Variants in CPNE5 observed in about 807,000 individuals in gnomAD.
CPNE5 encodes copine-5.
CPNE5 carries 42 observed loss-of-function variants against 81.1 expected under a neutral mutation model. The ratio of observed to expected loss-of-function variants is 0.52; its 90% CI spans 0.40 to 0.67. The LOEUF is 0.67. CPNE5 is among the 30% of genes least tolerant of loss of function. CPNE5 has a pLI of 0.00. For missense variants in CPNE5, 612 were observed against 815.5 expected, an observed-to-expected ratio of 0.75 and a Z score of 3.04; for synonymous variants, 313 against 321.5, an observed-to-expected ratio of 0.97 and a Z score of 0.28.
chr6:36,756,412 G>T, intron 12 of CPNE5, 114 bp from the exon 13 acceptor site: 1 of 826,890 alleles, frequency 1.2e-6, no homozygotes, highest in Non-Finnish European at 2.0e-6. Flanking sequence ...TAGAGTGTGG[G>T]GTGTGAAGAC....
intron 3 of CPNE5, among the ~76,000 whole-genome samples, chr6:36,806,986 T>A (rs1056941802): frequency 6.6e-6 from 1 of 152,234 alleles, no homozygotes. Flanking sequence ...GAGTGAGGAC[T>A]GGGGGATGGA....
At chr6:36,783,867 T>G (rs1049910270) in intron 8 of CPNE5, among the ~76,000 whole-genome samples, 1 of 152,188 alleles carries the variant, frequency 6.6e-6, no homozygotes, top group African/African-American at 2.4e-5. Flanking sequence ...TTAACACCCT[T>G]GCTTAAAGTC....
chr6:36,748,444 C>T (rs562258473), intron 14 of CPNE5, among the ~76,000 whole-genome samples, 177 bp from the exon 15 acceptor site: 38 of 152,218 alleles, frequency 2.5e-4, no homozygotes, highest in Middle Eastern at 3.4e-3. Flanking sequence ...CCAGCTATGC[C>T]CCCCTTACAG....
At chr6:36,748,477 T>A (rs1263449021) in intron 14 of CPNE5, among the ~76,000 whole-genome samples, 1 of 152,152 alleles carries the variant, frequency 6.6e-6, no homozygotes, top group Non-Finnish European at 1.5e-5. Flanking sequence ...TCAGAAGAGT[T>A]ATGCAGTAGG....
chr6:36,746,330 CA>C lies in CPNE5; in HGVS notation c.1200+65del. 7.1e-7 allele frequency: 1 copy of C among 1,408,986 alleles called. No homozygotes were observed. Among genetic ancestry groups the C allele is most frequent in the Non-Finnish European group, 9.4e-7 (1 of 1,061,448 alleles). The allele number at this position is 1,408,986 out of a possible 1,614,324, so 87.3% of individuals were successfully genotyped here. On this transcript the variant is annotated intron_variant, in intron 16 of 20. Transcript: ENST00000244751. This position sits in a 1 kb window ranked among gnomAD's most constrained non-coding sequence, Gnocchi z 4.5. ...GCTCAGAGGAAGGGAAACGTCCCCCCACCCCCAGCTTGTCACCTCACCCCCA... is the reference window on the plus strand; with the variant it reads ...GCTCAGAGGAAGGGAAACGTCCCCCCCCCCCAGCTTGTCACCTCACCCCCA...
chr6:36,758,666 C>T (rs181713066), intron 12 of CPNE5, among the ~76,000 whole-genome samples: 1 of 152,306 alleles, frequency 6.6e-6, no homozygotes, highest in East Asian at 1.9e-4. Flanking sequence ...GAGAACAGCG[C>T]TGTCAAGAAG....
intron 3 of CPNE5, among the ~76,000 whole-genome samples, chr6:36,803,621 T>C (rs1421858403): frequency 6.6e-6 from 1 of 152,240 alleles, no homozygotes; most frequent in Admixed American, 6.5e-5. Context: ...TGCATCTATG[T>C]GTAAATTCAT....
At chr6:36,828,745 A>G (rs1772735629) in intron 1 of CPNE5, among the ~76,000 whole-genome samples, 1 of 152,210 alleles carries the variant, frequency 6.6e-6, no homozygotes. Context: ...AAGGTGGTGT[A>G]TCTTCTTCCC....
At chr6:36,762,563 C>T (rs236433) in intron 12 of CPNE5, among the ~76,000 whole-genome samples, 125,842 of 152,106 alleles carry the variant, frequency 0.83, 52,120 homozygotes, top group Middle Eastern at 0.89. Context: ...AAGGCCACCT[C>T]GAACTCAGGA....
intron 7 of CPNE5, among the ~76,000 whole-genome samples, chr6:36,793,392 T>G (rs1461039884): frequency 6.6e-6 from 1 of 152,096 alleles, no homozygotes; most frequent in Non-Finnish European, 1.5e-5. Flanking sequence ...CTGAGCTGAG[T>G]GCCTCAAAGC....
rs149638473 is a variant in CPNE5 at position 36,742,445 on chromosome 6, G to A, written c.1605C>T (p.His535=). The change falls in exon 21 of 21, where the codon CAC becomes CAT. Residue 535 remains histidine (H), a synonymous_variant. Transcript: ENST00000244751. ...FRDYVDRTGN[H]VLSMARLARD... ...GGGCCAGGCGGGCCATGCTCAGCAC[G>A]TGGTTGCCTGTGCGGTCCACGTAGT... 3.8e-5 allele frequency: 62 copies of A among 1,613,360 alleles called. No homozygotes were observed. The African/African-American group carries it at 5.1e-4, about 13-fold the overall frequency.
intron 7 of CPNE5, among the ~76,000 whole-genome samples, chr6:36,793,955 C>T (rs1360089902): frequency 2.0e-5 from 3 of 152,186 alleles, no homozygotes; most frequent in African/African-American, 7.2e-5. Flanking sequence ...GGTGGGAACT[C>T]CCCAACCGGG....
intron 10 of CPNE5, among the ~76,000 whole-genome samples, chr6:36,774,669 G>C (rs1249597529): frequency 1.3e-5 from 2 of 152,252 alleles, no homozygotes; most frequent in African/African-American, 4.8e-5. Context: ...CCCTAACCTT[G>C]GGAGTTTCCC....
chr6:36,833,312 A>G (rs1413519703), intron 1 of CPNE5, among the ~76,000 whole-genome samples: 4 of 152,236 alleles, frequency 2.6e-5, no homozygotes, highest in Non-Finnish European at 5.9e-5. Context: ...AGACGTAGCA[A>G]TTGTGATTGG....
intron 1 of CPNE5, among the ~76,000 whole-genome samples, chr6:36,835,251 T>C (rs191647654): frequency 1.1e-4 from 16 of 152,300 alleles, no homozygotes; most frequent in African/African-American, 3.6e-4. Flanking sequence ...ACCAACATGC[T>C]GGGCCAGATC....
At chr6:36,811,812 G>T (rs1353622748) in intron 3 of CPNE5, among the ~76,000 whole-genome samples, 3 of 151,502 alleles carry the variant, frequency 2.0e-5, no homozygotes, top group African/African-American at 7.3e-5. Flanking sequence ...GGATAGAAAA[G>T]CACACTTTGG....
intron 14 of CPNE5, among the ~76,000 whole-genome samples, chr6:36,750,504 G>A (rs578232490): frequency 6.6e-6 from 1 of 152,330 alleles, no homozygotes; most frequent in East Asian, 1.9e-4. Context: ...CGCAAAGCTA[G>A]CAAGAACCTG....
chr6:36,742,641 C>G, intron 20 of CPNE5, 155 bp from the exon 21 acceptor site: 3 of 984,120 alleles, frequency 3.0e-6, no homozygotes, highest in Non-Finnish European at 3.6e-6. Flanking sequence ...GACTGTATCC[C>G]TCAACTCCCT....
At chr6:36,742,843 G>A in intron 20 of CPNE5, 3 of 985,322 alleles carry the variant, frequency 3.0e-6, no homozygotes, top group Non-Finnish European at 3.6e-6. Context: ...GCCCTCCTGG[G>A]TTTCCCCCGA....
Sources: allele counts gnomAD v4.1 joint callset (sites outside exome capture counted in the v4.1 genomes callset), GRCh38; gene constraint gnomAD v4.1.1; non-coding constraint Gnocchi (gnomAD v3.1); transcripts MANE v1.5; gene names NCBI Gene and HGNC (gene_info 2026-07-23, HGNC 2026-07-21).